The following EYS variants were observed in gnomAD, a reference collection of about 807,000 sequenced individuals.
EYS encodes protein eyes shut homolog.
A neutral mutation model predicts 282.1 loss-of-function variants in EYS; 250 were observed. The ratio of observed to expected loss-of-function variants is 0.89; its 90% CI spans 0.80 to 0.98. EYS has a LOEUF of 0.98. Among genes scored for constraint, EYS ranks in the 50% least tolerant of loss-of-function variants. The pLI is 0.00. For synonymous variants in EYS, 1,355 were observed against 1,282.9 expected (o/e 1.06, Z -1.20); for missense variants, 4,016 against 3,709.0 (o/e 1.08, Z -2.15).
intron 2 of EYS, among the ~76,000 whole-genome samples, chr6:65,567,175 G>T (rs1394668763): frequency 1.3e-5 from 2 of 151,704 alleles, no homozygotes; most frequent in Non-Finnish European, 2.9e-5. Context: ...TTGCAAGAAG[G>T]CTGTCACCAG....
At chr6:65,440,324 T>C (rs1391949666) in intron 5 of EYS, among the ~76,000 whole-genome samples, 1 of 151,788 alleles carries the variant, frequency 6.6e-6, no homozygotes, top group East Asian at 1.9e-4. Context: ...ATATGTCTAC[T>C]TGAAACTGTC....
At chr6:65,447,882 A>C (rs1365229791) in intron 5 of EYS, among the ~76,000 whole-genome samples, 1 of 152,060 alleles carries the variant, frequency 6.6e-6, no homozygotes, top group Non-Finnish European at 1.5e-5. Flanking sequence ...GAATGGAAGA[A>C]AGGAAAAGCA....
At chr6:64,655,387 A>T (rs1201826845) in intron 22 of EYS, among the ~76,000 whole-genome samples, 1 of 152,052 alleles carries the variant, frequency 6.6e-6, no homozygotes, top group Non-Finnish European at 1.5e-5. Flanking sequence ...TCAGGATATC[A>T]ATCTTTGATG....
intron 36 of EYS, among the ~76,000 whole-genome samples, chr6:63,850,873 G>C (rs1010986438): frequency 6.6e-6 from 1 of 152,284 alleles, no homozygotes; most frequent in African/African-American, 2.4e-5. Flanking sequence ...AAAAGACACA[G>C]ACTGGCAAAT....
In EYS at chr6:64,098,528, G is replaced by C. The variant is rs147946641; in HGVS notation, c.6425-16526C>G. Reference sequence around the variant, plus strand: ...ACACATGGATGATAAAGATAACTCAGGGTAGTGTTTATTCCTGAGGAGGTG... The same window carrying C: ...ACACATGGATGATAAAGATAACTCACGGTAGTGTTTATTCCTGAGGAGGTG... On this transcript the variant is annotated intron_variant, in intron 31 of 42. Transcript: ENST00000503581. 3.5e-3 allele frequency among the ~76,000 whole-genome samples: 536 copies of C among 151,980 alleles called. 3 individuals are homozygous for C. The highest frequency in any genetic ancestry group is 0.012 in the African/African-American group (504 of 41,484).
chr6:63,788,694 T>C (rs1770429919), intron 38 of EYS, among the ~76,000 whole-genome samples: 1 of 152,190 alleles, frequency 6.6e-6, no homozygotes, highest in South Asian at 2.1e-4. Context: ...TATCTGTCTC[T>C]AACCACTTCT....
chr6:65,098,924 T>C (rs191044060), intron 12 of EYS, among the ~76,000 whole-genome samples: 3 of 150,748 alleles, frequency 2.0e-5, no homozygotes, highest in Non-Finnish European at 4.5e-5. Context: ...TTTTTTCATA[T>C]ATGCAAAGAA....
intron 26 of EYS, among the ~76,000 whole-genome samples, chr6:64,535,094 A>G (rs12189763): frequency 0.26 from 38,833 of 151,976 alleles, 5,493 homozygotes; most frequent in Admixed American, 0.36. Context: ...TGACCTACTG[A>G]TTATCTTGCC....
intron 13 of EYS, among the ~76,000 whole-genome samples, chr6:65,007,287 A>T (rs911589353): frequency 6.6e-6 from 1 of 152,184 alleles, no homozygotes; most frequent in Non-Finnish European, 1.5e-5. Flanking sequence ...TCCTTTTATC[A>T]GATGGGAAAC....
rs5876969 is a variant in EYS, at chr6:65,546,185, G to GT, written c.-332-50193dup. ...AGGAGCACATGACTACATCTGTCTA[G>GT]TTTTTTTTTTTTTTTTTTTAATATA... On this transcript the variant is annotated intron_variant, in intron 2 of 42. Transcript: ENST00000503581. Among the ~76,000 whole-genome samples the GT allele has an allele frequency of 6.7e-3, 850 of 126,840 alleles. 7 individuals carry two copies. The highest frequency in any genetic ancestry group is 0.019 in the African/African-American group (635 of 33,802). 83.2% of individuals were successfully genotyped at this position (126,840 alleles called of 152,430 possible).
chr6:64,160,196 A>C (rs1430165318), intron 31 of EYS, among the ~76,000 whole-genome samples: 1 of 152,210 alleles, frequency 6.6e-6, no homozygotes, highest in African/African-American at 2.4e-5. Flanking sequence ...CTTATTTTCT[A>C]ATCACTTTTG....
At chr6:65,277,291 G>C (rs993165818) in intron 12 of EYS, among the ~76,000 whole-genome samples, 1 of 151,874 alleles carries the variant, frequency 6.6e-6, no homozygotes, top group East Asian at 1.9e-4. Flanking sequence ...AAATTAGCTG[G>C]GCATGTTGGC....
At chr6:64,932,194 C>T (rs913620460) in intron 15 of EYS, among the ~76,000 whole-genome samples, 2 of 151,926 alleles carry the variant, frequency 1.3e-5, no homozygotes, top group African/African-American at 4.8e-5. Flanking sequence ...AATATCATTG[C>T]AATAATGGTA....
At chr6:65,374,105 G>A (rs1440490426) in intron 8 of EYS, among the ~76,000 whole-genome samples, 1 of 152,096 alleles carries the variant, frequency 6.6e-6, no homozygotes, top group African/African-American at 2.4e-5. Flanking sequence ...GGCTGAATAG[G>A]AACAGCTCCA....
chr6:65,273,281 G>A (rs4574612), intron 12 of EYS, among the ~76,000 whole-genome samples: 93,165 of 151,984 alleles, frequency 0.61, 29,729 homozygotes, highest in East Asian at 0.86. Flanking sequence ...AGATAAGTGG[G>A]GACTACTGGA....
At chr6:65,247,979 A>C (rs1290117681) in intron 12 of EYS, among the ~76,000 whole-genome samples, 1 of 152,096 alleles carries the variant, frequency 6.6e-6, no homozygotes, top group African/African-American at 2.4e-5. Context: ...AATACATTAA[A>C]GACCATACAT....
chr6:64,974,467 C>T (rs1019293563), intron 14 of EYS, among the ~76,000 whole-genome samples: 3 of 150,226 alleles, frequency 2.0e-5, no homozygotes, highest in African/African-American at 7.5e-5. Context: ...TAATGGCCTC[C>T]AGGAATCTGC....
intron 2 of EYS, among the ~76,000 whole-genome samples, chr6:65,592,684 C>G (rs768776548): frequency 2.8e-4 from 42 of 151,920 alleles, no homozygotes; most frequent in Non-Finnish European, 5.2e-4. Flanking sequence ...TGCTTGAGGC[C>G]CTGCCATGAT....
Position 64,590,173 on chromosome 6 carries a change from A to G in EYS, c.5644+50T>C, listed in dbSNP as rs921541236. ...ATGACAGGCTCTTTCTTCTCTGTAG[A>G]AAAGAAACTCATTTCTAAAAGTTTA... On this transcript the variant is annotated intron_variant, in intron 26 of 42. Coordinates refer to ENST00000503581, the MANE Select transcript of EYS (RefSeq NM_001142800.2). 9.0e-6 allele frequency: 13 copies of G among 1,439,230 alleles called. No individual in the cohort carries two copies. The African/African-American group carries it at 1.7e-4, about 19-fold the overall frequency. The allele number at this position is 1,439,230 out of a possible 1,614,324, so 89.2% of individuals were successfully genotyped here. A position where few individuals can be genotyped will look rare whatever the true frequency, so the allele number is the denominator to read the frequency against.
Sources: allele counts gnomAD v4.1 joint callset (sites outside exome capture counted in the v4.1 genomes callset), GRCh38; gene constraint gnomAD v4.1.1; transcripts MANE v1.5; gene names NCBI Gene and HGNC (gene_info 2026-07-23, HGNC 2026-07-21).